The following NELL2 variants were observed in gnomAD, a reference collection of about 807,000 sequenced individuals.
NELL2 encodes neural EGFL like 2.
A neutral mutation model predicts 109.6 loss-of-function variants in NELL2; 41 were observed. The ratio of observed to expected loss-of-function variants is 0.37; its 90% CI spans 0.29 to 0.49. The LOEUF is 0.49. Ranked by LOEUF, NELL2 falls within the 20% of genes least tolerant of loss-of-function variation. The pLI is 0.98. For missense variants in NELL2, 900 were observed against 1,008.3 expected (o/e 0.89, Z 1.45); for synonymous variants, 355 against 344.7 (o/e 1.03, Z -0.33).
At chr12:44,829,685 T>G (rs1384737799) in intron 2 of NELL2, among the ~76,000 whole-genome samples, 3 of 152,038 alleles carry the variant, frequency 2.0e-5, no homozygotes, top group Non-Finnish European at 4.4e-5. Flanking sequence ...CATTACTGTA[T>G]GAAGTAGTGC....
chr12:44,538,457 T>C (rs891579957), intron 15 of NELL2, among the ~76,000 whole-genome samples: 34 of 152,232 alleles, frequency 2.2e-4, no homozygotes, highest in African/African-American at 8.2e-4. Flanking sequence ...ACATTCATCA[T>C]TTGATTACAC....
chr12:44,627,188 C>T (rs1334238421), intron 13 of NELL2, among the ~76,000 whole-genome samples: 1 of 152,090 alleles, frequency 6.6e-6, no homozygotes, highest in Non-Finnish European at 1.5e-5. Flanking sequence ...TCAATCCAAC[C>T]CAAATCCTGC....
intron 15 of NELL2, among the ~76,000 whole-genome samples, chr12:44,550,891 A>ACTTCCC (rs1156567620): frequency 1.3e-5 from 2 of 152,146 alleles, no homozygotes; most frequent in African/African-American, 4.8e-5. Context: ...TGATGGTTAA[A>ACTTCCC]CTGTGCAAAG....
chr12:44,644,631 C>CATATATATAT (rs144306927), intron 13 of NELL2, among the ~76,000 whole-genome samples: 2 of 100,942 alleles, frequency 2.0e-5, no homozygotes, highest in East Asian at 6.1e-4. Context: ...TATATACATA[C>CATATATATAT]ATATATATAT....
At position 44,780,030 on chromosome 12, in the gene NELL2, G is replaced by A. The variant is rs745747674; in HGVS notation, c.336-8C>T. The A allele has an allele frequency of 3.7e-6, 6 of 1,613,044 alleles. No homozygotes were observed. Among genetic ancestry groups the A allele is most frequent in the Non-Finnish European group, 5.1e-6 (6 of 1,179,468 alleles). Reference sequence around the variant, plus strand: ...CTTTCCAGTTCCAGGTACCTGCAGAGAGAAGAGCCACATGGGACACATTAA... The same window carrying A: ...CTTTCCAGTTCCAGGTACCTGCAGAAAGAAGAGCCACATGGGACACATTAA... On this transcript the variant is annotated splice_region_variant and splice_polypyrimidine_tract_variant and intron_variant, in intron 3 of 19. Transcript: ENST00000429094.
intron 2 of NELL2, among the ~76,000 whole-genome samples, chr12:44,864,844 C>A (rs1382883867): frequency 3.9e-5 from 6 of 152,128 alleles, no homozygotes; most frequent in African/African-American, 1.4e-4. Flanking sequence ...AACAATGTGT[C>A]TTTATAGCAG....
At position 44,521,944 on chromosome 12, in the gene NELL2, T is replaced by A. The variant is rs76681429; in HGVS notation, c.2175+56A>T. 9.4e-4 allele frequency: 1,485 copies of A among 1,581,418 alleles called. 3 individuals carry two copies. The highest frequency in any genetic ancestry group is 1.2e-3 in the Non-Finnish European group (1,421 of 1,159,124). On this transcript the variant is annotated intron_variant, in intron 18 of 19. Transcript: ENST00000429094. ...GGCAGATGGGGAGGACGAGGTTGCT[T>A]CTCTATTTAGATTCTGGGCCTAAAT...
intron 9 of NELL2, among the ~76,000 whole-genome samples, chr12:44,733,222 T>C (rs1377189801): frequency 6.6e-6 from 1 of 151,924 alleles, no homozygotes; most frequent in East Asian, 1.9e-4. Context: ...TCCATCACAA[T>C]TGAAATAAGA....
intron 15 of NELL2, among the ~76,000 whole-genome samples, chr12:44,591,440 C>A (rs1944743545): frequency 6.6e-6 from 1 of 151,130 alleles, no homozygotes; most frequent in Non-Finnish European, 1.5e-5. Context: ...GAATACTACT[C>A]AGCCATAAAA....
At chr12:44,674,051 G>A (rs1227959207) in intron 12 of NELL2, among the ~76,000 whole-genome samples, 1 of 152,002 alleles carries the variant, frequency 6.6e-6, no homozygotes, top group Non-Finnish European at 1.5e-5. Flanking sequence ...ACATATACAT[G>A]ATAACATTAT....
At chr12:44,645,636 A>C (rs191593549) in intron 13 of NELL2, among the ~76,000 whole-genome samples, 7 of 152,256 alleles carry the variant, frequency 4.6e-5, no homozygotes, top group Non-Finnish European at 1.0e-4. Context: ...GAGTAATAGA[A>C]TTTCATATTA....
intron 15 of NELL2, among the ~76,000 whole-genome samples, chr12:44,546,921 A>C (rs1430478773): frequency 6.6e-6 from 1 of 152,190 alleles, no homozygotes. Context: ...GGTAACTGAC[A>C]GTTGTTTGGC....
chr12:44,776,934 T>TA, intron 7 of NELL2, 108 bp downstream of exon 7: 1 of 898,106 alleles, frequency 1.1e-6, no homozygotes, highest in Admixed American at 1.9e-5. Flanking sequence ...TAGCAAACAG[T>TA]ATAGTATAAG....
chr12:44,747,766 G>A (rs374885723), intron 9 of NELL2, among the ~76,000 whole-genome samples: 10 of 152,030 alleles, frequency 6.6e-5, no homozygotes, highest in East Asian at 1.9e-4. Flanking sequence ...CATATGCTGC[G>A]CTTCTGGTGT....
chr12:44,700,495 C>T (rs117014203), intron 12 of NELL2, among the ~76,000 whole-genome samples: 2,356 of 152,220 alleles, frequency 0.015, 32 homozygotes, highest in Middle Eastern at 0.041. Flanking sequence ...TGCTACTGGC[C>T]TTCCTTTGGT....
At chr12:44,520,496 T>C (rs1265174329) in intron 18 of NELL2, among the ~76,000 whole-genome samples, 1 of 152,164 alleles carries the variant, frequency 6.6e-6, no homozygotes, top group East Asian at 1.9e-4. Flanking sequence ...AAATCACTCA[T>C]CTTAAAACAA....
chr12:44,508,916 C>T lies in NELL2; in HGVS notation c.*18G>A, dbSNP rs777231713. On this transcript the variant is annotated 3_prime_UTR_variant, in exon 20 of 20. Transcript: ENST00000429094. ...AAGAACATTCTTTTAACAGAAATCT[C>T]CCATGAGACAGTTAACTTCACAGTT... 2.5e-6 allele frequency: 4 copies of T among 1,604,978 alleles called. No individual in the cohort carries two copies. The African/African-American group carries it at 4.0e-5, about 16-fold the overall frequency.
At chr12:44,696,026 T>G (rs1949053817) in intron 12 of NELL2, among the ~76,000 whole-genome samples, 1 of 152,102 alleles carries the variant, frequency 6.6e-6, no homozygotes, top group Non-Finnish European at 1.5e-5. Flanking sequence ...GCATTTTAAA[T>G]GCCTCCAAAG....
chr12:44,644,582 A>ATATATATATATATATATGTATG lies in NELL2; in HGVS notation c.1444+20901_1444+20902insCATACATATATATATATATATA, dbSNP rs1946991413. 3.2e-4 allele frequency among the ~76,000 whole-genome samples: 22 copies of ATATATATATATATATATGTATG among 68,404 alleles called. 1 individual carries two copies. Among genetic ancestry groups the ATATATATATATATATATGTATG allele is most frequent in the African/African-American group, 1.9e-3 (22 of 11,556 alleles). The allele number at this position is 68,404 out of a possible 152,430, so 44.9% of individuals were successfully genotyped here. On this transcript the variant is annotated intron_variant, in intron 13 of 19. Transcript: ENST00000429094. ...CATCCTATACCAGACAAAGTAAAGT[A>ATATATATATATATATATGTATG]TATATATATATATATATATATGTAT...
Sources: gnomAD v4.1 joint callset for allele counts (sites outside exome capture counted in the v4.1 genomes callset) on GRCh38, gnomAD v4.1.1 for gene constraint, MANE v1.5 for transcripts, NCBI Gene and HGNC (gene_info 2026-07-23, HGNC 2026-07-21) for gene names.